The following FBXL4 variants were observed in gnomAD, a reference collection of about 807,000 sequenced individuals.
The protein encoded by FBXL4 is F-box and leucine rich repeat protein 4.
A neutral mutation model predicts 58.9 loss-of-function variants in FBXL4; 40 were observed. That is an observed-to-expected ratio of 0.68 (90% CI 0.53 to 0.88). FBXL4 has a LOEUF of 0.88. FBXL4 is among the 40% of genes least tolerant of loss of function. The probability of loss-of-function intolerance (pLI) is 0.00; values close to 1 mark genes in which losing one functional copy is unlikely to be tolerated. For synonymous variants in FBXL4, 263 were observed against 265.5 expected (o/e 0.99, Z 0.09); for missense variants, 676 against 734.4 (o/e 0.92, Z 0.92).
At chr6:98,900,502 T>C (rs1771565727) in intron 6 of FBXL4, among the ~76,000 whole-genome samples, 1 of 152,204 alleles carries the variant, frequency 6.6e-6, no homozygotes. Context: ...TTGCATTGTT[T>C]GACTAGTTCC....
chr6:98,885,469 A>G (rs1441148112), intron 7 of FBXL4, among the ~76,000 whole-genome samples: 2 of 152,312 alleles, frequency 1.3e-5, no homozygotes, highest in African/African-American at 2.4e-5. Flanking sequence ...TGAATAAAGC[A>G]CATTGCCCTA....
At chr6:98,937,513 G>C (rs1773266262) in intron 1 of FBXL4, among the ~76,000 whole-genome samples, 2 of 152,138 alleles carry the variant, frequency 1.3e-5, no homozygotes, top group Non-Finnish European at 2.9e-5. Context: ...TTAAGTGAAA[G>C]TGAATCACCA....
intron 1 of FBXL4, among the ~76,000 whole-genome samples, chr6:98,943,023 T>C (rs1245072539): frequency 5.3e-5 from 8 of 152,112 alleles, no homozygotes; most frequent in Non-Finnish European, 1.2e-4. Flanking sequence ...GGAATCTACA[T>C]AAAATTACTT....
chr6:98,881,979 A>G lies in FBXL4; in HGVS notation c.1318-1355T>C, dbSNP rs1305338189. Among the ~76,000 whole-genome samples, 3 of 152,024 alleles carry G rather than the reference A, an allele frequency of 2.0e-5. No individual in the cohort carries two copies. The East Asian group carries it at 5.8e-4, about 29-fold the overall frequency. On this transcript the variant is annotated intron_variant, in intron 7 of 9. Coordinates refer to ENST00000369244, the MANE Select transcript of FBXL4 (RefSeq NM_001278716.2). The stretch of plus-strand genomic sequence containing the variant: ...CATATCCATATTAAAAGGTTGTTTT[A>G]TAAGATTTTCCCTTAAGTAAGATCC...
chr6:98,918,651 T>C (rs1197891194), intron 4 of FBXL4, among the ~76,000 whole-genome samples: 2 of 152,128 alleles, frequency 1.3e-5, no homozygotes, highest in Non-Finnish European at 2.9e-5. Context: ...AAGAGAAAAT[T>C]AGAAACATTT....
chr6:98,876,098 T>C (rs1264495123), intron 8 of FBXL4, among the ~76,000 whole-genome samples: 2 of 152,224 alleles, frequency 1.3e-5, no homozygotes, highest in Non-Finnish European at 2.9e-5. Context: ...CTCCGTTTTA[T>C]ATATGGCTAA....
intron 2 of FBXL4, among the ~76,000 whole-genome samples, chr6:98,932,546 G>A (rs189476064): frequency 8.1e-4 from 124 of 152,348 alleles, no homozygotes; most frequent in African/African-American, 2.9e-3. Context: ...TTCCTACTGA[G>A]ATTTGAAGTG....
At chr6:98,923,193 T>C (rs1017479321) in intron 4 of FBXL4, among the ~76,000 whole-genome samples, 2 of 152,160 alleles carry the variant, frequency 1.3e-5, no homozygotes, top group Non-Finnish European at 2.9e-5. Flanking sequence ...CCCAGCAGAC[T>C]GGGACTTCAC....
At chr6:98,922,073 G>A (rs528154336) in intron 4 of FBXL4, among the ~76,000 whole-genome samples, 16 of 152,228 alleles carry the variant, frequency 1.1e-4, no homozygotes, top group African/African-American at 3.4e-4. Flanking sequence ...AATTACAGGT[G>A]CCCGCCACCA....
chr6:98,913,394 C>A (rs554122127), intron 5 of FBXL4, among the ~76,000 whole-genome samples: 46 of 152,298 alleles, frequency 3.0e-4, no homozygotes, highest in African/African-American at 9.4e-4. Flanking sequence ...CACCACACCA[C>A]ACCTATTCCA....
intron 7 of FBXL4, among the ~76,000 whole-genome samples, chr6:98,891,526 T>C (rs575327282): frequency 2.2e-4 from 33 of 152,090 alleles, no homozygotes; most frequent in Non-Finnish European, 3.5e-4. Flanking sequence ...CGAATACATC[T>C]TTCCTCACAG....
intron 6 of FBXL4, 57 bp downstream of exon 6, chr6:98,905,366 CATA>C: frequency 6.4e-7 from 1 of 1,573,190 alleles, no homozygotes; most frequent in Non-Finnish European, 8.7e-7. Context: ...AAAACCACTA[CATA>C]ATAAGTATAA....
Position 98,872,786 on chromosome 6 carries a change from C to G in FBXL4, c.*1492G>C, listed in dbSNP as rs1770527502. 1 of 152,144 alleles carries G rather than the reference C, an allele frequency of 6.6e-6. No homozygotes were observed. Among genetic ancestry groups the G allele is most frequent in the African/African-American group, 2.4e-5 (1 of 41,432 alleles). The allele number at this position is 152,144 out of a possible 1,614,324, so 9.4% of individuals were successfully genotyped here. A position where few individuals can be genotyped will look rare whatever the true frequency, so the allele number is the denominator to read the frequency against. On this transcript the variant is annotated 3_prime_UTR_variant, in exon 10 of 10. Transcript: ENST00000369244. ...TGCAATGCTTCAGAAGCCAGATGGCCTGGGTTTATATGTTGGCTCTGCCAC... is the reference window on the plus strand; with the variant it reads ...TGCAATGCTTCAGAAGCCAGATGGCGTGGGTTTATATGTTGGCTCTGCCAC...
Position 98,869,620 on chromosome 6 carries a change from A to C in FBXL4, c.*4658T>G, listed in dbSNP as rs1183883842. ...CTCCAGCCTGGGGCAATAGAGTGAG[A>C]CCCTGTCTCAAATATGTAACACACA... On this transcript the variant is annotated 3_prime_UTR_variant, in exon 10 of 10. Transcript: ENST00000369244. 2 of 151,674 alleles carry C rather than the reference A, an allele frequency of 1.3e-5. No individual in the cohort carries two copies. Among genetic ancestry groups the C allele is most frequent in the Non-Finnish European group, 2.9e-5 (2 of 67,990 alleles). 9.4% of individuals were successfully genotyped at this position (151,674 alleles called of 1,614,324 possible). A position where few individuals can be genotyped will look rare whatever the true frequency, so the allele number is the denominator to read the frequency against.
intron 6 of FBXL4, among the ~76,000 whole-genome samples, chr6:98,901,609 C>G (rs762515752): frequency 6.6e-6 from 1 of 152,082 alleles, no homozygotes; most frequent in African/African-American, 2.4e-5. Context: ...CATATTTTTA[C>G]TCTGAGCAGA....
intron 7 of FBXL4, among the ~76,000 whole-genome samples, chr6:98,890,418 A>C (rs1481288744): frequency 6.6e-6 from 1 of 152,206 alleles, no homozygotes; most frequent in Non-Finnish European, 1.5e-5. Context: ...ACTATCTCAG[A>C]GTAAGGTGGT....
At chr6:98,928,129 A>C (rs548899496) in intron 2 of FBXL4, among the ~76,000 whole-genome samples, 1 of 152,188 alleles carries the variant, frequency 6.6e-6, no homozygotes, top group Non-Finnish European at 1.5e-5. Flanking sequence ...ACCTTTAACA[A>C]TCAACAAGAT....
rs78291441 is a variant in FBXL4, at chr6:98,919,855, G to A, written c.513-2136C>T. On this transcript the variant is annotated intron_variant, in intron 4 of 9. Coordinates refer to ENST00000369244, the MANE Select transcript of FBXL4 (RefSeq NM_001278716.2). ...CAAATTTTAGTCTTACTTTTTTGTC[G>A]CCACTGCAAATTGACACCAGACGAT... Among the ~76,000 whole-genome samples the A allele has an allele frequency of 1.1e-3, 160 of 151,948 alleles. 2 individuals carry two copies. The East Asian group carries it at 0.016, about 15-fold the overall frequency.
At chr6:98,906,208 G>A (rs897698452) in intron 5 of FBXL4, among the ~76,000 whole-genome samples, 1 of 151,826 alleles carries the variant, frequency 6.6e-6, no homozygotes, top group African/African-American at 2.4e-5. Context: ...TAAGTTCTGG[G>A]GTACATGTGC....
Sources: allele counts gnomAD v4.1 joint callset (sites outside exome capture counted in the v4.1 genomes callset), GRCh38; gene constraint gnomAD v4.1.1; transcripts MANE v1.5; gene names NCBI Gene and HGNC (gene_info 2026-07-23, HGNC 2026-07-21).